DKK2: variants seen among roughly 807,000 people sequenced by gnomAD.
DKK2 encodes the protein dickkopf-related protein 2.
In DKK2, 11 loss-of-function variants were observed where a neutral mutation model predicts 28.1. The ratio of observed to expected loss-of-function variants is 0.39; its 90% CI spans 0.25 to 0.65. DKK2 has a LOEUF of 0.65. Among genes scored for constraint, DKK2 ranks in the 30% least tolerant of loss-of-function variants. The pLI, the probability that DKK2 is intolerant of heterozygous loss-of-function variation, is 0.47. For synonymous variants in DKK2, 135 were observed against 126.5 expected (o/e 1.07, Z -0.45); for missense variants, 326 against 335.5 (o/e 0.97, Z 0.22).
At chr4:107,010,130 A>G (rs943101465) in intron 1 of DKK2, among the ~76,000 whole-genome samples, 1 of 151,732 alleles carries the variant, frequency 6.6e-6, no homozygotes, top group African/African-American at 2.4e-5. Flanking sequence ...TTTGCCTATC[A>G]GTAGGCTGCC....
intron 1 of DKK2, among the ~76,000 whole-genome samples, chr4:107,017,715 A>T (rs952683702): frequency 2.6e-5 from 4 of 152,014 alleles, no homozygotes; most frequent in African/African-American, 9.7e-5. Flanking sequence ...TATATAAAAG[A>T]TTATGCAGAA....
Position 106,985,200 on chromosome 4 carries a change from C to A in DKK2, c.222+50170G>T, listed in dbSNP as rs149390959. ...CTCCAGCCTAGGCGACAGAGCGATA[C>A]TCCATCTCAAAAAAAAAAAAAAAAA... On this transcript the variant is annotated intron_variant, in intron 1 of 3. Coordinates refer to ENST00000285311, the MANE Select transcript of DKK2 (RefSeq NM_014421.3). Among the ~76,000 whole-genome samples, 483 of 141,796 alleles carry A rather than the reference C, an allele frequency of 3.4e-3. 3 individuals carry two copies. The highest frequency in any genetic ancestry group is 0.013 in the African/African-American group (469 of 37,448). The allele number at this position is 141,796 out of a possible 152,430, so 93.0% of individuals were successfully genotyped here.
At chr4:106,941,875 C>T (rs1032406631) in intron 1 of DKK2, among the ~76,000 whole-genome samples, 1 of 152,064 alleles carries the variant, frequency 6.6e-6, no homozygotes. Flanking sequence ...AATAATATGA[C>T]CACATGTTAT....
At chr4:106,956,638 A>G (rs1207817431) in intron 1 of DKK2, among the ~76,000 whole-genome samples, 4 of 152,178 alleles carry the variant, frequency 2.6e-5, no homozygotes, top group Non-Finnish European at 4.4e-5. Flanking sequence ...CCTGAGAAAA[A>G]CAAGCAATGG....
At chr4:106,964,237 G>C (rs946863818) in intron 1 of DKK2, among the ~76,000 whole-genome samples, 5 of 152,114 alleles carry the variant, frequency 3.3e-5, no homozygotes, top group African/African-American at 4.8e-5. Flanking sequence ...ACTCTATTAA[G>C]TGAAATAAGC....
chr4:106,958,725 T>C (rs573208761), intron 1 of DKK2, among the ~76,000 whole-genome samples: 1 of 151,144 alleles, frequency 6.6e-6, no homozygotes, highest in East Asian at 2.0e-4. Context: ...TAATCTTAGC[T>C]ACTCAGGAGG....
At chr4:106,978,706 C>A (rs925713435) in intron 1 of DKK2, among the ~76,000 whole-genome samples, 3 of 152,082 alleles carry the variant, frequency 2.0e-5, no homozygotes, top group African/African-American at 4.8e-5. Flanking sequence ...TGAGCTAGAC[C>A]ATTTGGCTCC....
At chr4:106,938,301 A>C (rs1218514686) in intron 1 of DKK2, among the ~76,000 whole-genome samples, 7 of 152,148 alleles carry the variant, frequency 4.6e-5, no homozygotes, top group East Asian at 3.9e-4. Flanking sequence ...CCACCGATCC[A>C]ACAGAAATCC....
At chr4:106,938,830 C>T (rs930891177) in intron 1 of DKK2, among the ~76,000 whole-genome samples, 1 of 151,118 alleles carries the variant, frequency 6.6e-6, no homozygotes, top group Non-Finnish European at 1.5e-5. Context: ...TAAATGTAAT[C>T]CAGCATATAA....
intron 1 of DKK2, among the ~76,000 whole-genome samples, chr4:106,966,286 T>G (rs1289082031): frequency 1.3e-5 from 2 of 152,136 alleles, no homozygotes; most frequent in Non-Finnish European, 2.9e-5. Flanking sequence ...AAGTTGGCTT[T>G]TGTGATGTAC....
intron 1 of DKK2, among the ~76,000 whole-genome samples, chr4:106,944,541 A>C (rs1560577111): frequency 6.6e-6 from 1 of 152,108 alleles, no homozygotes; most frequent in Non-Finnish European, 1.5e-5. Flanking sequence ...ATTTAAAGAA[A>C]TTTACATACT....
chr4:106,985,869 G>A (rs2110360013), intron 1 of DKK2, among the ~76,000 whole-genome samples: 1 of 151,322 alleles, frequency 6.6e-6, no homozygotes, highest in East Asian at 1.9e-4. Flanking sequence ...AAATAAGACA[G>A]GAAGGAGGGA....
chr4:106,956,495 C>T (rs1578356432), intron 1 of DKK2, among the ~76,000 whole-genome samples: 3 of 152,178 alleles, frequency 2.0e-5, no homozygotes, highest in Non-Finnish European at 4.4e-5. Flanking sequence ...TACCTGACTT[C>T]AAACTATACT....
chr4:106,986,059 G>A (rs940712501), intron 1 of DKK2, among the ~76,000 whole-genome samples: 1 of 152,056 alleles, frequency 6.6e-6, no homozygotes, highest in African/African-American at 2.4e-5. Context: ...TGGGAAGCGT[G>A]GTTATTCAGA....
intron 1 of DKK2, among the ~76,000 whole-genome samples, chr4:107,032,732 G>A (rs114373752): frequency 0.029 from 4,337 of 152,160 alleles, 193 homozygotes; most frequent in African/African-American, 0.098. Context: ...GGAATTGGGG[G>A]AAATAAAACT....
intron 1 of DKK2, among the ~76,000 whole-genome samples, chr4:107,021,861 CTGTT>C (rs1723698014): frequency 3.9e-5 from 6 of 152,072 alleles, no homozygotes; most frequent in Admixed American, 3.9e-4. Context: ...CTTTTCCTGA[CTGTT>C]TGTGGAGGTA....
At chr4:106,953,647 G>C (rs1230745079) in intron 1 of DKK2, among the ~76,000 whole-genome samples, 1 of 152,148 alleles carries the variant, frequency 6.6e-6, no homozygotes, top group African/African-American at 2.4e-5. Context: ...GCTACTGAGA[G>C]AATACTTTTT....
intron 1 of DKK2, among the ~76,000 whole-genome samples, chr4:106,949,019 A>G (rs1443182427): frequency 6.6e-6 from 1 of 152,178 alleles, no homozygotes; most frequent in African/African-American, 2.4e-5. Flanking sequence ...AGCATCAACC[A>G]AAAACCATTT....
intron 1 of DKK2, among the ~76,000 whole-genome samples, chr4:107,010,574 A>T (rs1474623919): frequency 2.6e-5 from 4 of 151,612 alleles, no homozygotes; most frequent in South Asian, 4.1e-4. Context: ...CTTTAGTAAG[A>T]CGTGTCAAGT....
Sources: allele counts gnomAD v4.1 joint callset (sites outside exome capture counted in the v4.1 genomes callset), GRCh38; gene constraint gnomAD v4.1.1; transcripts MANE v1.5; gene names NCBI Gene and HGNC (gene_info 2026-07-23, HGNC 2026-07-21).